The following RASSF8 variants were observed in gnomAD, a reference collection of about 807,000 sequenced individuals.
The protein encoded by RASSF8 is Ras association domain family member 8.
RASSF8 carries 22 observed loss-of-function variants against 48.5 expected under a neutral mutation model. The observed-to-expected ratio is 0.45, with a 90% CI of 0.32 to 0.65. The LOEUF is 0.65. Ranked by LOEUF, RASSF8 falls within the 30% of genes least tolerant of loss-of-function variation. The probability of loss-of-function intolerance (pLI) is 0.03; values close to 1 mark genes in which losing one functional copy is unlikely to be tolerated. For missense variants in RASSF8, 418 were observed against 489.2 expected, an observed-to-expected ratio of 0.85 and a Z score of 1.37; for synonymous variants, 127 against 171.5, an observed-to-expected ratio of 0.74 and a Z score of 2.03.
chr12:25,998,922 T>G (rs972437173), intron 2 of RASSF8, among the ~76,000 whole-genome samples: 8 of 152,222 alleles, frequency 5.3e-5, no homozygotes, highest in African/African-American at 1.9e-4. Flanking sequence ...CTCCTCTCAA[T>G]GTTTAGAGAT....
chr12:25,965,813 T>C (rs1941347733), intron 1 of RASSF8, among the ~76,000 whole-genome samples: 1 of 152,252 alleles, frequency 6.6e-6, no homozygotes, highest in Non-Finnish European at 1.5e-5. Flanking sequence ...TTGAGGCTTC[T>C]TAAACTCAGA....
At chr12:26,002,546 C>T (rs767398732) in intron 2 of RASSF8, among the ~76,000 whole-genome samples, 66 of 152,164 alleles carry the variant, frequency 4.3e-4, no homozygotes, top group African/African-American at 2.2e-4. Context: ...GAGGCCAAGG[C>T]GGGCAGATCA....
In RASSF8 at chr12:26,057,848, T is replaced by C. The variant is rs553854565; in HGVS notation, c.103+2402T>C. Among the ~76,000 whole-genome samples the C allele has an allele frequency of 2.0e-4, 30 of 152,350 alleles. No homozygotes were observed. The South Asian group carries it at 3.5e-3, about 18-fold the overall frequency. On this transcript the variant is annotated intron_variant, in intron 3 of 5. Coordinates refer to ENST00000689635, the MANE Select transcript of RASSF8 (RefSeq NM_001394098.1). ...ACTGGTGTGAGATGGTATCTCATTGTGGTTTTGATTTGCATTTCTCTGATG... is the reference window on the plus strand; with the variant it reads ...ACTGGTGTGAGATGGTATCTCATTGCGGTTTTGATTTGCATTTCTCTGATG...
intron 2 of RASSF8, among the ~76,000 whole-genome samples, chr12:26,031,980 A>G (rs962129834): frequency 6.6e-6 from 1 of 152,166 alleles, no homozygotes; most frequent in Non-Finnish European, 1.5e-5. Flanking sequence ...GTTTACATTT[A>G]TGTGCATGAT....
intron 2 of RASSF8, among the ~76,000 whole-genome samples, chr12:26,040,083 G>A (rs942997975): frequency 6.6e-6 from 1 of 152,122 alleles, no homozygotes; most frequent in African/African-American, 2.4e-5. Flanking sequence ...TGAGCATTAA[G>A]ATTCACTTAA....
At chr12:25,981,064 G>A (rs554576010) in intron 1 of RASSF8, among the ~76,000 whole-genome samples, 6 of 152,204 alleles carry the variant, frequency 3.9e-5, no homozygotes, top group Non-Finnish European at 7.4e-5. Context: ...GGTCGGATGC[G>A]TCCTGGTTTG....
intron 2 of RASSF8, among the ~76,000 whole-genome samples, chr12:26,008,784 C>T (rs1942454800): frequency 6.6e-6 from 1 of 152,088 alleles, no homozygotes; most frequent in Admixed American, 6.6e-5. Flanking sequence ...TTCTTTTTTA[C>T]TTGGAAGGTA....
chr12:26,067,511 G>A, intron 4 of RASSF8, 58 bp from the exon 5 acceptor site: 2 of 1,493,898 alleles, frequency 1.3e-6, no homozygotes, highest in South Asian at 1.2e-5. Flanking sequence ...TCACAAAGAT[G>A]TCTTGCACTG....
intron 1 of RASSF8, among the ~76,000 whole-genome samples, chr12:25,962,993 T>A (rs576017503): frequency 6.6e-6 from 1 of 152,302 alleles, no homozygotes; most frequent in Non-Finnish European, 1.5e-5. Context: ...ATTATTTTTT[T>A]ATCAGCATAA....
intron 2 of RASSF8, among the ~76,000 whole-genome samples, chr12:26,034,847 C>T (rs113577207): frequency 6.8e-6 from 1 of 146,806 alleles, no homozygotes; most frequent in Non-Finnish European, 1.5e-5. Flanking sequence ...TAAAAAAAAA[C>T]ATCTAACTAA....
chr12:25,985,123 C>G (rs1017692480), intron 1 of RASSF8, among the ~76,000 whole-genome samples: 1 of 152,056 alleles, frequency 6.6e-6, no homozygotes, highest in Non-Finnish European at 1.5e-5. Context: ...TAATGCAAAC[C>G]TTTTGTTAAC....
intron 1 of RASSF8, among the ~76,000 whole-genome samples, chr12:25,988,340 T>G (rs1478300177): frequency 6.6e-6 from 1 of 152,174 alleles, no homozygotes; most frequent in African/African-American, 2.4e-5. Context: ...AAAGCAATCT[T>G]GGAACTTTTC....
intron 2 of RASSF8, among the ~76,000 whole-genome samples, chr12:26,005,131 T>C (rs1942357559): frequency 6.6e-6 from 1 of 151,972 alleles, no homozygotes; most frequent in Non-Finnish European, 1.5e-5. Flanking sequence ...ACATATAACG[T>C]GTATTTGTGT....
In RASSF8 at chr12:26,072,447, C is replaced by T. The variant is rs929760813; in HGVS notation, c.*3629C>T. Reference sequence around the variant, plus strand: ...AATGCATTTTATATATTTTTAGAAACCAAATAAATGCAGAAAACTATTTCG... The same window carrying T: ...AATGCATTTTATATATTTTTAGAAATCAAATAAATGCAGAAAACTATTTCG... On this transcript the variant is annotated 3_prime_UTR_variant, in exon 6 of 6. Transcript: ENST00000689635. The T allele has an allele frequency of 6.2e-6, 6 of 971,140 alleles. No individual in the cohort carries two copies. The African/African-American group carries it at 1.1e-4, about 17-fold the overall frequency. 60.2% of individuals were successfully genotyped at this position (971,140 alleles called of 1,614,324 possible). A position where few individuals can be genotyped will look rare whatever the true frequency, so the allele number is the denominator to read the frequency against.
At chr12:26,041,640 T>TAC (rs894185190) in intron 2 of RASSF8, among the ~76,000 whole-genome samples, 4 of 151,888 alleles carry the variant, frequency 2.6e-5, no homozygotes, top group African/African-American at 4.8e-5. Context: ...TATATATATA[T>TAC]ACACACACAT....
At chr12:26,015,352 C>T (rs1942623454) in intron 2 of RASSF8, among the ~76,000 whole-genome samples, 1 of 152,284 alleles carries the variant, frequency 6.6e-6, no homozygotes, top group African/African-American at 2.4e-5. Context: ...CCAAAGACCA[C>T]AAAAAACTGA....
chr12:25,987,870 G>T (rs74966741), intron 1 of RASSF8, among the ~76,000 whole-genome samples: 1 of 151,424 alleles, frequency 6.6e-6, no homozygotes, highest in Admixed American at 6.6e-5. Flanking sequence ...TTATTTTTTC[G>T]AAATGGAATC....
chr12:26,029,404 G>T (rs1942982532), intron 2 of RASSF8, among the ~76,000 whole-genome samples: 1 of 152,172 alleles, frequency 6.6e-6, no homozygotes, highest in South Asian at 2.1e-4. Flanking sequence ...CTGGGGAAGG[G>T]TGACCTCTGG....
At chr12:26,059,532 G>T in intron 3 of RASSF8, among the ~76,000 whole-genome samples, 1 of 152,100 alleles carries the variant, frequency 6.6e-6, no homozygotes, top group South Asian at 2.1e-4. Flanking sequence ...TGTTTTTTGT[G>T]TACCCATAGA....
Sources: gnomAD v4.1 joint callset for allele counts (sites outside exome capture counted in the v4.1 genomes callset) on GRCh38, gnomAD v4.1.1 for gene constraint, MANE v1.5 for transcripts, NCBI Gene and HGNC (gene_info 2026-07-23, HGNC 2026-07-21) for gene names.